The following ATOH8 variants were observed in gnomAD, a reference collection of about 807,000 sequenced individuals.
ATOH8 encodes atonal bHLH transcription factor 8, also known as transcription factor ATOH8.
A neutral mutation model predicts 21.2 loss-of-function variants in ATOH8; 9 were observed. The ratio of observed to expected loss-of-function variants is 0.42; its 90% CI spans 0.26 to 0.74. ATOH8 has a LOEUF of 0.74. Ranked by LOEUF, ATOH8 falls within the 30% of genes least tolerant of loss-of-function variation. ATOH8 has a pLI of 0.24. For synonymous variants in ATOH8, 253 were observed against 224.0 expected, an observed-to-expected ratio of 1.13 and a Z score of -1.16; for missense variants, 524 against 470.9, an observed-to-expected ratio of 1.11 and a Z score of -1.04.
chr2:85,784,523 C>G (rs952517602), intron 2 of ATOH8, among the ~76,000 whole-genome samples: 1 of 151,934 alleles, frequency 6.6e-6, no homozygotes, highest in Non-Finnish European at 1.5e-5. Flanking sequence ...GCCTAAATAA[C>G]AGAGTGAGAC....
At position 85,790,197 on chromosome 2, in the gene ATOH8, CCTTGT is replaced by C. The variant is rs1188737935; in HGVS notation, c.*3315_*3319del. ...CCTGTGGATGTTTGTAGCACACTCTCCTTGTCTTGTCTGCTCTGGGTCACCAGGCA... is the reference window on the plus strand; with the variant it reads ...CCTGTGGATGTTTGTAGCACACTCTCCTTGTCTGCTCTGGGTCACCAGGCA... On this transcript the variant is annotated 3_prime_UTR_variant, in exon 3 of 3. Transcript: ENST00000306279. Among the ~76,000 whole-genome samples, 1 of 152,204 alleles carries C rather than the reference CCTTGT, an allele frequency of 6.6e-6. No homozygotes were observed. The highest frequency in any genetic ancestry group is 1.5e-5 in the Non-Finnish European group (1 of 68,028).
At chr2:85,774,025 G>A (rs780460219) in intron 2 of ATOH8, 100 of 929,904 alleles carry the variant, frequency 1.1e-4, no homozygotes, top group Non-Finnish European at 1.2e-4. Context: ...TTTAACCTCA[G>A]GACCCTGATT....
intron 2 of ATOH8, among the ~76,000 whole-genome samples, chr2:85,782,778 C>T (rs1314369288): frequency 6.6e-6 from 1 of 152,178 alleles, no homozygotes; most frequent in African/African-American, 2.4e-5. Flanking sequence ...TCACTGCAAC[C>T]TTTGCCTCCT....
chr2:85,781,962 C>T (rs1680509853), intron 2 of ATOH8, among the ~76,000 whole-genome samples: 1 of 152,098 alleles, frequency 6.6e-6, no homozygotes. Context: ...GCTCAGGGCC[C>T]CCCAGCTGAC....
chr2:85,761,875 A>G (rs1318171230), intron 1 of ATOH8, among the ~76,000 whole-genome samples: 1 of 152,144 alleles, frequency 6.6e-6, no homozygotes, highest in Non-Finnish European at 1.5e-5. Context: ...TTCTGCCAGC[A>G]TTTCTGGGAT....
intron 2 of ATOH8, chr2:85,773,320 A>G (rs2104522115): frequency 1.2e-5 from 2 of 160,378 alleles, no homozygotes; most frequent in South Asian, 3.5e-4. Flanking sequence ...CTTCTGGGAT[A>G]TGTCTGCCTG....
chr2:85,774,508 A>G, intron 2 of ATOH8: 1 of 985,450 alleles, frequency 1.0e-6, no homozygotes, highest in Non-Finnish European at 1.2e-6. Flanking sequence ...TAGAGGGTGA[A>G]GTCGGGAGCC....
chr2:85,782,867 T>G (rs895447077), intron 2 of ATOH8, among the ~76,000 whole-genome samples: 3 of 152,194 alleles, frequency 2.0e-5, no homozygotes, highest in Non-Finnish European at 4.4e-5. Flanking sequence ...AGCTAATTTT[T>G]GTATTTTTAG....
chr2:85,754,980 C>A (rs1430374006), intron 1 of ATOH8, 23 bp downstream of exon 1: 2 of 1,566,520 alleles, frequency 1.3e-6, no homozygotes, highest in East Asian at 2.3e-5. Context: ...CGCCGCACGC[C>A]CTCACTGCGC....
At chr2:85,786,153 C>G (rs1212032164) in intron 2 of ATOH8, among the ~76,000 whole-genome samples, 1 of 152,256 alleles carries the variant, frequency 6.6e-6, no homozygotes, top group Non-Finnish European at 1.5e-5. Context: ...TCGAACTGTG[C>G]TCCTTAGCAC....
Position 85,790,765 on chromosome 2 carries a change from C to T in ATOH8, c.*3875C>T, listed in dbSNP as rs1462614659. ...TCAAGAGCTTGCCGGTGAGCCTGGA[C>T]GGAGGCATAGGTGCAGCTAATTAGG... On this transcript the variant is annotated 3_prime_UTR_variant, in exon 3 of 3. Coordinates refer to ENST00000306279, the MANE Select transcript of ATOH8 (RefSeq NM_032827.7). 1.3e-5 allele frequency among the ~76,000 whole-genome samples: 2 copies of T among 152,166 alleles called. No individual in the cohort carries two copies. Among genetic ancestry groups the T allele is most frequent in the African/African-American group, 2.4e-5 (1 of 41,438 alleles).
At position 85,754,422 on chromosome 2, in the gene ATOH8, T is replaced by A; in HGVS notation, c.233T>A (p.Val78Asp). The A allele has an allele frequency of 6.5e-7, 1 of 1,543,628 alleles. No homozygotes were observed. The highest frequency in any genetic ancestry group is 8.7e-7 in the Non-Finnish European group (1 of 1,149,842). The change falls in exon 1 of 3, where the codon GTC becomes GAC. Residue 78 changes from valine to aspartate, a missense_variant. Coordinates refer to ENST00000306279, the MANE Select transcript of ATOH8 (RefSeq NM_032827.7). ...GTCCCGGTACCGGTGCCGGTGCCAGTCCCAGTGGCGCCGGCCGTTCCCCCA... is the reference window on the plus strand; with the variant it reads ...GTCCCGGTACCGGTGCCGGTGCCAGACCCAGTGGCGCCGGCCGTTCCCCCA... ...QPVPVPVPVP[V>D]PVAPAVPPRG...
chr2:85,755,243 G>A (rs1679652287), intron 1 of ATOH8, among the ~76,000 whole-genome samples: 1 of 152,212 alleles, frequency 6.6e-6, no homozygotes, highest in Admixed American at 6.5e-5. Flanking sequence ...TCACTTTTAT[G>A]GCAGCGAGTA....
In ATOH8 at chr2:85,766,474, C is replaced by T. The variant is rs996952405; in HGVS notation, c.960+2292C>T. On this transcript the variant is annotated intron_variant, in intron 2 of 2. Coordinates refer to ENST00000306279, the MANE Select transcript of ATOH8 (RefSeq NM_032827.7). This position sits in a 1 kb window ranked among gnomAD's most constrained non-coding sequence, Gnocchi z 4.0. ...TTTGCCCTAATGACCTTCATGGTCT[C>T]GCAGACTCACATCATATGTGTGGTG... 3.2e-4 allele frequency among the ~76,000 whole-genome samples: 48 copies of T among 152,042 alleles called. No homozygotes were observed. Among genetic ancestry groups the T allele is most frequent in the Non-Finnish European group, 7.4e-5 (5 of 67,982 alleles).
At chr2:85,774,633 G>A (rs892485861) in intron 2 of ATOH8, 5 of 985,546 alleles carry the variant, frequency 5.1e-6, no homozygotes, top group Non-Finnish European at 6.0e-6. Flanking sequence ...TCTGCTGAAA[G>A]CTGGTCAGAC....
At chr2:85,777,139 G>A (rs963783574) in intron 2 of ATOH8, among the ~76,000 whole-genome samples, 7 of 152,182 alleles carry the variant, frequency 4.6e-5, no homozygotes, top group African/African-American at 1.7e-4. Flanking sequence ...AGTGCTGGGG[G>A]CATTTTGGAG....
Position 85,754,769 on chromosome 2 carries a change from T to G in ATOH8, c.580T>G (p.Ser194Ala). The G allele has an allele frequency of 6.2e-7, 1 of 1,612,922 alleles. No individual in the cohort carries two copies. ...GCGCCCCGGGGAAAGTTCCTACTCG[T>G]CAATTTCACACGTAATTTACAATAA... Reference protein sequence around the residue: ...PTRPGESSYSSISHVIYNNHQ... With the variant: ...PTRPGESSYSAISHVIYNNHQ... Residue 194 changes from serine (S) to alanine (A), a missense_variant, in exon 1 of 3, where the codon TCA (serine) becomes GCA (alanine). Transcript: ENST00000306279.
intron 2 of ATOH8, 62 bp downstream of exon 2, chr2:85,764,244 T>A: frequency 1.3e-6 from 2 of 1,592,064 alleles, no homozygotes; most frequent in Non-Finnish European, 1.7e-6. Flanking sequence ...GGACAGGAAC[T>A]TGGGGGTGCC....
Position 85,754,325 on chromosome 2 carries a change from G to C in ATOH8, c.136G>C (p.Asp46His). Residue 46 changes from aspartate (D) to histidine (H), a missense_variant, in exon 1 of 3, where the codon GAC (aspartate) becomes CAC (histidine). By Grantham distance (81) the Asp-to-His change is moderately conservative. Transcript: ENST00000306279. ...RANGYKTFRLDLEAPEPRAVA... is the reference protein window; with the variant it reads ...RANGYKTFRLHLEAPEPRAVA... Reference sequence around the variant, plus strand: ...GAACGGCTATAAAACTTTCCGACTGGACTTGGAAGCGCCCGAGCCCCGCGC... The same window carrying C: ...GAACGGCTATAAAACTTTCCGACTGCACTTGGAAGCGCCCGAGCCCCGCGC... The C allele has an allele frequency of 6.2e-7, 1 of 1,609,386 alleles. No homozygotes were observed. The highest frequency in any genetic ancestry group is 1.1e-5 in the South Asian group (1 of 90,914).
Sources: gnomAD v4.1 joint callset for allele counts (sites outside exome capture counted in the v4.1 genomes callset) on GRCh38, gnomAD v4.1.1 for gene constraint, Gnocchi (gnomAD v3.1) non-coding constraint, MANE v1.5 for transcripts, NCBI Gene and HGNC (gene_info 2026-07-23, HGNC 2026-07-21) for gene names.